Variants in FZR1 observed in about 807,000 individuals in gnomAD.
The protein encoded by FZR1 is fizzy-related protein homolog.
A neutral mutation model predicts 63.6 loss-of-function variants in FZR1; 11 were observed. That is an observed-to-expected ratio of 0.17 (90% CI 0.11 to 0.29). The LOEUF (loss-of-function observed/expected upper bound fraction) is 0.29, where lower values mean the gene tolerates loss of function less well. Among genes scored for constraint, FZR1 ranks in the 10% least tolerant of loss-of-function variants. The probability of loss-of-function intolerance (pLI) is 1.00; values close to 1 mark genes in which losing one functional copy is unlikely to be tolerated. For missense variants in FZR1, 440 were observed against 687.5 expected, an observed-to-expected ratio of 0.64 and a Z score of 4.03; for synonymous variants, 328 against 297.9, an observed-to-expected ratio of 1.10 and a Z score of -1.04.
rs1252468933 is a variant in FZR1 at position 3,535,456 on chromosome 19, C to G, written c.*620C>G. On this transcript the variant is annotated 3_prime_UTR_variant, in exon 14 of 14. Coordinates refer to ENST00000441788, the MANE Select transcript of FZR1 (RefSeq NM_016263.4). ...TGCAGCCACCTCTGCTGTCACTGCT[C>G]GAAGCAGCAGTCTCTCTGGAAGCAT... 3 of 153,884 alleles carry G rather than the reference C, an allele frequency of 1.9e-5. No individual in the cohort carries two copies. The highest frequency in any genetic ancestry group is 7.2e-5 in the African/African-American group (3 of 41,496). 9.5% of individuals were successfully genotyped at this position (153,884 alleles called of 1,614,324 possible).
intron 6 of FZR1, among the ~76,000 whole-genome samples, 178 bp from the exon 7 acceptor site, chr19:3,527,453 C>A (rs2083171403): frequency 6.6e-6 from 1 of 152,286 alleles, no homozygotes; most frequent in Admixed American, 6.5e-5. Context: ...GGCAGCCAGA[C>A]ACCCGAGGGT....
intron 13 of FZR1, 114 bp from the exon 14 acceptor site, chr19:3,534,681 G>C: frequency 3.9e-6 from 4 of 1,026,588 alleles, no homozygotes; most frequent in Non-Finnish European, 6.1e-6. Context: ...GGCCGAGGCT[G>C]AACTGGCACC....
chr19:3,525,633 G>A lies in FZR1; in HGVS notation c.70-235G>A, dbSNP rs565122697. Among the ~76,000 whole-genome samples the A allele has an allele frequency of 2.6e-5, 4 of 151,934 alleles. No individual in the cohort carries two copies. The highest frequency in any genetic ancestry group is 2.1e-4 in the South Asian group (1 of 4,814). On this transcript the variant is annotated intron_variant, in intron 2 of 13. Coordinates refer to ENST00000441788, the MANE Select transcript of FZR1 (RefSeq NM_016263.4). This position sits in a 1 kb window ranked among gnomAD's most constrained non-coding sequence, Gnocchi z 4.2. ...GATTTTTTGTATTTTTAGTAGAGAC[G>A]AGGTTTCACAGTGTTAGCCAGGATG...
chr19:3,531,656 G>A lies in FZR1; in HGVS notation c.721-58G>A, dbSNP rs929057417. 1.9e-5 allele frequency: 24 copies of A among 1,252,412 alleles called. 1 individual carries two copies. The highest frequency in any genetic ancestry group is 4.6e-4 in the Middle Eastern group (2 of 4,346). The allele number at this position is 1,252,412 out of a possible 1,614,324, so 77.6% of individuals were successfully genotyped here. A position where few individuals can be genotyped will look rare whatever the true frequency, so the allele number is the denominator to read the frequency against. ...AGCCTGGCGCGACCAACGCCAGGAC[G>A]GGCACAGTCCCCGGGCCAGACCTGA... On this transcript the variant is annotated intron_variant, in intron 8 of 13. Coordinates refer to ENST00000441788, the MANE Select transcript of FZR1 (RefSeq NM_016263.4).
At chr19:3,519,830 T>C (rs1259482480) in intron 1 of FZR1, among the ~76,000 whole-genome samples, 2 of 152,164 alleles carry the variant, frequency 1.3e-5, no homozygotes, top group African/African-American at 4.8e-5. Flanking sequence ...CTGTAAGTGC[T>C]GGAGGATCTG....
In FZR1 at chr19:3,534,834, TA is replaced by T; in HGVS notation, c.*1del. The T allele has an allele frequency of 6.2e-7, 1 of 1,612,254 alleles. No individual in the cohort carries two copies. On this transcript the variant is annotated frameshift_variant and stop_lost, in exon 14 of 14. Coordinates refer to ENST00000441788, the MANE Select transcript of FZR1 (RefSeq NM_016263.4). LOFTEE classifies it high-confidence loss of function. ...GCTCAACCTCTTCACCAGGATCCGG[TA>T]AACCTGCCGGGCAGGACCGTGCCAC... ...SVLNLFTRIR[*>X]
intron 1 of FZR1, among the ~76,000 whole-genome samples, chr19:3,506,730 G>C (rs1476886139): frequency 6.6e-6 from 1 of 151,100 alleles, no homozygotes; most frequent in Admixed American, 6.6e-5. Flanking sequence ...CCCCCACCCC[G>C]AGCCACCTGT....
intron 1 of FZR1, among the ~76,000 whole-genome samples, chr19:3,513,805 C>T (rs567891541): frequency 6.6e-6 from 1 of 152,230 alleles, no homozygotes; most frequent in African/African-American, 2.4e-5. Context: ...TTACCCAAGG[C>T]GGTCCTGCCC....
intron 7 of FZR1, among the ~76,000 whole-genome samples, chr19:3,529,130 ATGGGAGAGCGGATGGGAGAGCG>A (rs1568237447): frequency 7.7e-6 from 1 of 129,048 alleles, no homozygotes; most frequent in African/African-American, 3.2e-5. Flanking sequence ...GGGAGAGCGG[ATGGGAGAGCGGATGGGAGAGCG>A]GATGGGAGAG....
intron 10 of FZR1, 84 bp from the exon 11 acceptor site, chr19:3,532,333 A>G (rs2083256608): frequency 1.8e-6 from 2 of 1,082,674 alleles, no homozygotes; most frequent in Non-Finnish European, 2.6e-6. Context: ...GTGGGGTGCC[A>G]GGGCAGGTCG....
chr19:3,533,588 G>A lies in FZR1; in HGVS notation c.1347+190G>A, dbSNP rs1042753884. ...TGCCAGCGTTGGAATGGGCTCTACC[G>A]AACTCCCCAGCCCTGCAGGTGCAGG... On this transcript the variant is annotated intron_variant, in intron 12 of 13. Coordinates refer to ENST00000441788, the MANE Select transcript of FZR1 (RefSeq NM_016263.4). This position sits in a 1 kb window ranked among gnomAD's most constrained non-coding sequence, Gnocchi z 4.9. The A allele has an allele frequency of 6.8e-6, 4 of 585,506 alleles. No homozygotes were observed. Among genetic ancestry groups the A allele is most frequent in the Non-Finnish European group, 1.2e-5 (4 of 326,252 alleles). The allele number at this position is 585,506 out of a possible 1,614,324, so 36.3% of individuals were successfully genotyped here.
At chr19:3,529,244 G>T (rs1012262842) in intron 7 of FZR1, among the ~76,000 whole-genome samples, 2 of 150,564 alleles carry the variant, frequency 1.3e-5, no homozygotes, top group South Asian at 4.2e-4. Flanking sequence ...GCGGATGAGA[G>T]TGGTTGAGGG....
chr19:3,529,904 TTGAGG>T (rs1568238372), intron 7 of FZR1, among the ~76,000 whole-genome samples: 1 of 29,446 alleles, frequency 3.4e-5, no homozygotes, highest in Admixed American at 3.2e-4. Context: ...GGGAGAGTGG[TTGAGG>T]GAGCGGATGG....
chr19:3,514,592 G>A lies in FZR1; in HGVS notation c.-35+8118G>A, dbSNP rs1167006230. Among the ~76,000 whole-genome samples the A allele has an allele frequency of 2.6e-5, 4 of 152,082 alleles. No individual in the cohort carries two copies. The highest frequency in any genetic ancestry group is 4.4e-5 in the Non-Finnish European group (3 of 68,006). On this transcript the variant is annotated intron_variant, in intron 1 of 13. Transcript: ENST00000441788. The surrounding 1 kb of genome is among the most constrained non-coding windows in gnomAD (Gnocchi z 4.2). ...TCCATGGACCCCCAAGAGACTCTGC[G>A]TCCCATGATCCTCTGCCCTGCTGAG...
In FZR1 at chr19:3,531,825, C is replaced by T. The variant is rs777638478; in HGVS notation, c.823+9C>T. 5.2e-6 allele frequency: 8 copies of T among 1,549,904 alleles called. No individual in the cohort carries two copies. The South Asian group carries it at 8.3e-5, about 16-fold the overall frequency. On this transcript the variant is annotated intron_variant, in intron 9 of 13. Coordinates refer to ENST00000441788, the MANE Select transcript of FZR1 (RefSeq NM_016263.4). ...CCACACGGCACGCGTCGGTGAGGAG[C>T]CCGGGTCCCATGGCTGGTGAGCTCC...
Position 3,525,918 on chromosome 19 carries a change from G to T in FZR1, c.120G>T (p.Ser40=), listed in dbSNP as rs201664307. 26 of 1,612,284 alleles carry T rather than the reference G, an allele frequency of 1.6e-5. No individual in the cohort carries two copies. The East Asian group carries it at 2.9e-4, about 18-fold the overall frequency. The change falls in exon 3 of 14, where the codon TCG becomes TCT. Residue 40 remains serine, a synonymous_variant. Transcript: ENST00000441788. This position sits in a 1 kb window ranked among gnomAD's most constrained non-coding sequence, Gnocchi z 4.2. Reference sequence around the variant, plus strand: ...CGCCTGCCAGCTCCCCAGTGTCCTCGCCCAGCAAGCACGGAGACCGCTTCA... The same window carrying T: ...CGCCTGCCAGCTCCCCAGTGTCCTCTCCCAGCAAGCACGGAGACCGCTTCA... The part of the protein sequence containing the change: ...TLTPASSPVS[S]PSKHGDRFIP...
chr19:3,534,599 C>G, intron 13 of FZR1, 86 bp downstream of exon 13: 1 of 989,032 alleles, frequency 1.0e-6, no homozygotes. Flanking sequence ...CGGGCGTACC[C>G]TCCTCTGGGT....
At chr19:3,513,716 C>T (rs551812356) in intron 1 of FZR1, among the ~76,000 whole-genome samples, 2 of 152,252 alleles carry the variant, frequency 1.3e-5, no homozygotes, top group East Asian at 1.9e-4. Context: ...AGGCTCTGGT[C>T]GGTGTTCCCT....
chr19:3,523,180 C>A, intron 2 of FZR1, 122 bp downstream of exon 2: 1 of 740,388 alleles, frequency 1.4e-6, no homozygotes, highest in Non-Finnish European at 2.5e-6. Flanking sequence ...GGTCCCAGTC[C>A]CCCAGGTCAC....
Sources: allele counts gnomAD v4.1 joint callset (sites outside exome capture counted in the v4.1 genomes callset), GRCh38; gene constraint gnomAD v4.1.1; non-coding constraint Gnocchi (gnomAD v3.1); transcripts MANE v1.5; gene names NCBI Gene and HGNC (gene_info 2026-07-23, HGNC 2026-07-21).